Variants in ROBO2 observed in about 807,000 individuals in gnomAD.
The protein encoded by ROBO2 is roundabout homolog 2.
A neutral mutation model predicts 160.8 loss-of-function variants in ROBO2; 53 were observed. The ratio of observed to expected loss-of-function variants is 0.33; its 90% CI spans 0.26 to 0.41. ROBO2 has a LOEUF of 0.41. ROBO2 is among the 10% of genes least tolerant of loss of function. The pLI is 1.00. For missense variants in ROBO2, 1,577 were observed against 1,722.4 expected (o/e 0.92, Z 1.49); for synonymous variants, 664 against 611.7 (o/e 1.09, Z -1.26).
intron 18 of ROBO2, among the ~76,000 whole-genome samples, chr3:77,596,222 T>C (rs1335604878): frequency 1.3e-5 from 2 of 152,116 alleles, no homozygotes; most frequent in Admixed American, 6.6e-5. Flanking sequence ...AGGGAACAGA[T>C]ACGTAAGGTA....
chr3:76,351,682 T>C lies in ROBO2; in HGVS notation c.109+414080T>C, dbSNP rs143782257. Among the ~76,000 whole-genome samples the C allele has an allele frequency of 1.4e-3, 210 of 152,126 alleles. 1 individual carries two copies. The highest frequency in any genetic ancestry group is 2.5e-3 in the Non-Finnish European group (168 of 67,942). On this transcript the variant is annotated intron_variant, in intron 2 of 26. Coordinates refer to the ROBO2 transcript ENST00000487694. The stretch of plus-strand genomic sequence containing the variant: ...GTCTTTATTGTTTGCCTTGTTCTTA[T>C]AAATGTATGTATGTATAACCTCACA...
chr3:76,322,654 C>T (rs950056573), intron 2 of ROBO2, among the ~76,000 whole-genome samples: 3 of 151,992 alleles, frequency 2.0e-5, no homozygotes, highest in Non-Finnish European at 2.9e-5. Flanking sequence ...TAAAAAGAAG[C>T]GGCGAAGTTA....
chr3:77,051,515 T>C (rs1440899270), intron 1 of ROBO2, among the ~76,000 whole-genome samples: 1 of 152,220 alleles, frequency 6.6e-6, no homozygotes, highest in Admixed American at 6.5e-5. Context: ...TTGGATCTTA[T>C]GAAACTCTCC....
At chr3:77,388,031 G>A (rs964414723) in intron 2 of ROBO2, among the ~76,000 whole-genome samples, 4 of 151,814 alleles carry the variant, frequency 2.6e-5, no homozygotes, top group Admixed American at 6.6e-5. Context: ...AATGAGTTTC[G>A]CTTGTCCCAC....
At chr3:77,277,619 C>A (rs2059975388) in intron 2 of ROBO2, among the ~76,000 whole-genome samples, 1 of 152,130 alleles carries the variant, frequency 6.6e-6, no homozygotes, top group Non-Finnish European at 1.5e-5. Context: ...TATGTCCCTG[C>A]AAAGGACATG....
intron 23 of ROBO2, among the ~76,000 whole-genome samples, chr3:77,624,690 C>G (rs990259685): frequency 6.6e-6 from 1 of 152,240 alleles, no homozygotes; most frequent in South Asian, 2.1e-4. Flanking sequence ...GCGGATCATA[C>G]CACCAGTTAC....
At chr3:75,918,034 T>G (rs1029808859) in intron 1 of ROBO2, among the ~76,000 whole-genome samples, 1 of 152,204 alleles carries the variant, frequency 6.6e-6, no homozygotes, top group Non-Finnish European at 1.5e-5. Context: ...GCTCTTTAGT[T>G]TAATTAGATT....
chr3:76,953,862 G>A (rs1475079863), intron 2 of ROBO2, among the ~76,000 whole-genome samples: 1 of 152,058 alleles, frequency 6.6e-6, no homozygotes, highest in African/African-American at 2.4e-5. Context: ...AGGTGCACGT[G>A]TTACCATTTT....
intron 2 of ROBO2, among the ~76,000 whole-genome samples, chr3:76,698,785 T>C (rs1287959099): frequency 6.6e-6 from 1 of 152,174 alleles, no homozygotes; most frequent in Non-Finnish European, 1.5e-5. Context: ...CTACAGATTT[T>C]ACATCCCCTT....
intron 2 of ROBO2, among the ~76,000 whole-genome samples, chr3:76,513,424 C>T (rs902189857): frequency 1.3e-5 from 2 of 152,060 alleles, no homozygotes; most frequent in Non-Finnish European, 1.5e-5. Flanking sequence ...GTGATCTCAG[C>T]TCACTGTAAC....
chr3:77,506,266 A>G (rs2088507167), intron 5 of ROBO2, among the ~76,000 whole-genome samples: 2 of 152,156 alleles, frequency 1.3e-5, no homozygotes, highest in African/African-American at 2.4e-5. Context: ...AGTAAACAGA[A>G]AATAAAGTGA....
intron 2 of ROBO2, among the ~76,000 whole-genome samples, chr3:76,762,426 C>T (rs2061357571): frequency 6.8e-6 from 1 of 147,402 alleles, no homozygotes. Context: ...TTGTTCTTCT[C>T]CACAATGAGA....
Position 77,461,733 on chromosome 3 carries a change from C to CTT in ROBO2, c.389-15669_389-15668dup, listed in dbSNP as rs11436957. On this transcript the variant is annotated intron_variant, in intron 2 of 25. Coordinates refer to ENST00000461745, the Ensembl canonical transcript of ROBO2. ...AATCATTTATAATTTTCTTGATGTA[C>CTT]TTTTTTTTTTTTTGAGACAGAGTCT... Among the ~76,000 whole-genome samples, 196 of 145,412 alleles carry CTT rather than the reference C, an allele frequency of 1.3e-3. 1 individual carries two copies. The highest frequency in any genetic ancestry group is 7.1e-3 in the Middle Eastern group (2 of 280).
intron 2 of ROBO2, among the ~76,000 whole-genome samples, chr3:76,121,823 T>TAG (rs1471867908): frequency 6.6e-6 from 1 of 152,162 alleles, no homozygotes; most frequent in Middle Eastern, 3.2e-3. Flanking sequence ...ATTCCAGAGC[T>TAG]AGAGAGTACC....
rs150641525 is a variant in ROBO2, at chr3:76,645,435, A to G, written c.110-452579A>G. Among the ~76,000 whole-genome samples the G allele has an allele frequency of 2.1e-3, 325 of 152,334 alleles. 1 individual carries two copies. Among genetic ancestry groups the G allele is most frequent in the African/African-American group, 7.7e-3 (319 of 41,594 alleles). ...AAAGAGCAGTACTTTTTGTTCAGAG[A>G]ACTGAGAGGATATCGAAAATCAGCA... On this transcript the variant is annotated intron_variant, in intron 2 of 26. Coordinates refer to the ROBO2 transcript ENST00000487694.
chr3:76,527,641 A>T (rs73119838), intron 2 of ROBO2, among the ~76,000 whole-genome samples: 4,157 of 152,202 alleles, frequency 0.027, 75 homozygotes, highest in South Asian at 0.046. Flanking sequence ...TAAATAAACA[A>T]ATGAGATTTT....
intron 2 of ROBO2, among the ~76,000 whole-genome samples, chr3:76,750,576 G>T (rs1301077298): frequency 2.6e-5 from 4 of 152,200 alleles, no homozygotes; most frequent in Middle Eastern, 3.4e-3. Context: ...ATCTCCTTAA[G>T]CTGATAAGCA....
intron 2 of ROBO2, among the ~76,000 whole-genome samples, chr3:77,166,829 G>C (rs1289670474): frequency 1.3e-5 from 2 of 152,196 alleles, no homozygotes; most frequent in African/African-American, 4.8e-5. Context: ...AAAGTGCTGG[G>C]ATTACAGGCG....
chr3:77,589,942 A>T (rs1442127596), intron 17 of ROBO2, among the ~76,000 whole-genome samples: 1 of 152,110 alleles, frequency 6.6e-6, no homozygotes, highest in African/African-American at 2.4e-5. Flanking sequence ...TTTGGTAGGA[A>T]GCATAAATGT....
Sources: gnomAD v4.1 joint callset for allele counts (sites outside exome capture counted in the v4.1 genomes callset) on GRCh38, gnomAD v4.1.1 for gene constraint, MANE v1.5 for transcripts, NCBI Gene and HGNC (gene_info 2026-07-23, HGNC 2026-07-21) for gene names.